LPP: variants seen among roughly 807,000 people sequenced by gnomAD.
LPP encodes lipoma-preferred partner.
LPP carries 38 observed loss-of-function variants against 60.4 expected under a neutral mutation model. The ratio of observed to expected loss-of-function variants is 0.63; its 90% CI spans 0.49 to 0.83. The LOEUF is 0.83. Among genes scored for constraint, LPP ranks in the 40% least tolerant of loss-of-function variants. The probability of loss-of-function intolerance (pLI) is 0.00; values close to 1 mark genes in which losing one functional copy is unlikely to be tolerated. For synonymous variants in LPP, 328 were observed against 290.8 expected (o/e 1.13, Z -1.30); for missense variants, 902 against 783.6 (o/e 1.15, Z -1.80).
At chr3:188,346,345 C>T (rs185830016) in intron 3 of LPP, among the ~76,000 whole-genome samples, 177 of 148,350 alleles carry the variant, frequency 1.2e-3, no homozygotes, top group African/African-American at 4.0e-3. Flanking sequence ...CTGCAGCCTC[C>T]GCCTCCCAGG....
At chr3:188,254,561 T>C (rs1273769019) in intron 2 of LPP, among the ~76,000 whole-genome samples, 1 of 152,234 alleles carries the variant, frequency 6.6e-6, no homozygotes, top group Non-Finnish European at 1.5e-5. Flanking sequence ...TGCTCTGCCT[T>C]GGATGCTACA....
At chr3:188,528,730 T>G (rs956423064) in intron 6 of LPP, among the ~76,000 whole-genome samples, 5 of 152,186 alleles carry the variant, frequency 3.3e-5, no homozygotes, top group Admixed American at 2.0e-4. Context: ...CTTGGCCATA[T>G]GTTTGAGCAC....
At chr3:188,231,671 T>C (rs939398674) in intron 2 of LPP, among the ~76,000 whole-genome samples, 1 of 151,900 alleles carries the variant, frequency 6.6e-6, no homozygotes, top group Non-Finnish European at 1.5e-5. Context: ...GGAGGAACCA[T>C]CTGCAGCTCC....
At chr3:188,787,810 A>G (rs985623534) in intron 9 of LPP, among the ~76,000 whole-genome samples, 2 of 152,012 alleles carry the variant, frequency 1.3e-5, no homozygotes, top group African/African-American at 2.4e-5. Flanking sequence ...GAGTTATTTC[A>G]TCTGCTTCCG....
At chr3:188,827,125 G>A (rs1755762818) in intron 9 of LPP, among the ~76,000 whole-genome samples, 1 of 152,046 alleles carries the variant, frequency 6.6e-6, no homozygotes, top group African/African-American at 2.4e-5. Context: ...ATTAGAGCTG[G>A]CATGAACATC....
intron 6 of LPP, among the ~76,000 whole-genome samples, chr3:188,608,420 T>C (rs1842936540): frequency 6.6e-6 from 1 of 152,198 alleles, no homozygotes; most frequent in African/African-American, 2.4e-5. Flanking sequence ...ACATCATCTA[T>C]TGAAGAAATT....
intron 4 of LPP, among the ~76,000 whole-genome samples, chr3:188,441,770 G>A (rs1342652291): frequency 2.0e-5 from 3 of 151,122 alleles, no homozygotes; most frequent in East Asian, 1.9e-4. Flanking sequence ...ACAGGCGCCC[G>A]CCACCACGCC....
chr3:188,680,994 C>CT (rs11307025), intron 7 of LPP, among the ~76,000 whole-genome samples: 14,949 of 129,098 alleles, frequency 0.12, 1,075 homozygotes, highest in Non-Finnish European at 0.15. Flanking sequence ...GGTGCATTTC[C>CT]TTTTTTTTTT....
At chr3:188,626,945 C>A (rs1846960640) in intron 7 of LPP, among the ~76,000 whole-genome samples, 1 of 151,772 alleles carries the variant, frequency 6.6e-6, no homozygotes, top group African/African-American at 2.4e-5. Flanking sequence ...CTATGAAATA[C>A]CTCAAAAATC....
At chr3:188,376,939 G>A (rs1483635219) in intron 3 of LPP, among the ~76,000 whole-genome samples, 7 of 152,166 alleles carry the variant, frequency 4.6e-5, no homozygotes, top group Admixed American at 1.3e-4. Context: ...TGTCTGTAAA[G>A]TATTTTATTT....
At position 188,644,282 on chromosome 3, in the gene LPP, T is replaced by C. The variant is rs193034591; in HGVS notation, c.1113+34438T>C. Among the ~76,000 whole-genome samples the C allele has an allele frequency of 1.7e-4, 26 of 152,232 alleles. No individual in the cohort carries two copies. In the East Asian group the frequency reaches 4.5e-3, roughly 26 times the overall value. The stretch of plus-strand genomic sequence containing the variant: ...ACTTCACAAGTTCAGGATCAATGAG[T>C]ATCCAGTTTAGCTAAAGAAAACAAT... On this transcript the variant is annotated intron_variant, in intron 7 of 11. Coordinates refer to ENST00000617246, the MANE Select transcript of LPP (RefSeq NM_001375462.1).
chr3:188,696,989 T>G (rs1344274390), intron 7 of LPP, among the ~76,000 whole-genome samples: 1 of 152,230 alleles, frequency 6.6e-6, no homozygotes, highest in Admixed American at 6.5e-5. Context: ...CTTGACTTTT[T>G]TCTCTTCTTT....
At chr3:188,351,247 G>C (rs1407267054) in intron 3 of LPP, among the ~76,000 whole-genome samples, 1 of 152,200 alleles carries the variant, frequency 6.6e-6, no homozygotes, top group African/African-American at 2.4e-5. Context: ...TTGTTTCTGA[G>C]ATGGATATGA....
chr3:188,501,502 C>T (rs1811848110), intron 5 of LPP, among the ~76,000 whole-genome samples: 2 of 152,118 alleles, frequency 1.3e-5, no homozygotes, highest in East Asian at 3.9e-4. Context: ...GTAATCCCAG[C>T]ACTTTGAGAG....
At chr3:188,461,781 A>G (rs1203036462) in intron 4 of LPP, among the ~76,000 whole-genome samples, 1 of 152,166 alleles carries the variant, frequency 6.6e-6, no homozygotes, top group Non-Finnish European at 1.5e-5. Flanking sequence ...CAGCACCTTA[A>G]TGAGGTTTTA....
chr3:188,781,203 A>C (rs956159520), intron 9 of LPP, among the ~76,000 whole-genome samples: 1 of 152,250 alleles, frequency 6.6e-6, no homozygotes, highest in African/African-American at 2.4e-5. Flanking sequence ...TAGTGCCATA[A>C]GTAGGACTTA....
intron 4 of LPP, among the ~76,000 whole-genome samples, chr3:188,458,447 T>C (rs1373638645): frequency 6.6e-6 from 1 of 152,230 alleles, no homozygotes; most frequent in Non-Finnish European, 1.5e-5. Flanking sequence ...TGGGTGTTAC[T>C]ATTATAATTT....
At chr3:188,699,324 A>G (rs546916970) in intron 7 of LPP, among the ~76,000 whole-genome samples, 89 of 152,254 alleles carry the variant, frequency 5.8e-4, no homozygotes, top group African/African-American at 2.1e-3. Context: ...GTGTGCAGAG[A>G]CCAGGGCCCC....
chr3:188,421,678 C>T (rs1787847878), intron 4 of LPP, among the ~76,000 whole-genome samples: 1 of 152,080 alleles, frequency 6.6e-6, no homozygotes, highest in African/African-American at 2.4e-5. Flanking sequence ...TGTGGTGGCT[C>T]TTATGGCAGC....
Sources: gnomAD v4.1 joint callset for allele counts (sites outside exome capture counted in the v4.1 genomes callset) on GRCh38, gnomAD v4.1.1 for gene constraint, MANE v1.5 for transcripts, NCBI Gene and HGNC (gene_info 2026-07-23, HGNC 2026-07-21) for gene names.